Variants in TG observed in about 807,000 individuals in gnomAD.
The protein encoded by TG is thyroglobulin, also known as thyroid hormones.
A neutral mutation model predicts 324.7 loss-of-function variants in TG; 270 were observed. The observed-to-expected ratio is 0.83, with a 90% confidence interval of 0.75 to 0.92. TG has a LOEUF of 0.92. TG is among the 40% of genes least tolerant of loss of function. The pLI, the probability that TG is intolerant of heterozygous loss-of-function variation, is 0.00. For missense variants in TG, 3,591 were observed against 3,456.4 expected, an observed-to-expected ratio of 1.04 and a Z score of -0.98; for synonymous variants, 1,401 against 1,327.0, an observed-to-expected ratio of 1.06 and a Z score of -1.21.
chr8:132,952,171 C>T (rs1012704980), intron 27 of TG, among the ~76,000 whole-genome samples: 1 of 152,148 alleles, frequency 6.6e-6, no homozygotes, highest in African/African-American at 2.4e-5. Context: ...CCCAATTACA[C>T]AGTGAGGATG....
intron 11 of TG, among the ~76,000 whole-genome samples, chr8:132,895,472 GACATCTCTTTTGGAGA>G (rs1816960211): frequency 6.6e-6 from 1 of 152,258 alleles, no homozygotes; most frequent in Non-Finnish European, 1.5e-5. Context: ...TCTCACACCA[GACATCTCTTTTGGAGA>G]ACAAGGCACT....
chr8:133,091,347 A>C (rs1847488909), intron 41 of TG, among the ~76,000 whole-genome samples: 1 of 152,158 alleles, frequency 6.6e-6, no homozygotes, highest in African/African-American at 2.4e-5. Flanking sequence ...CCAGGGTGGG[A>C]CTGAGAAGTG....
At chr8:133,104,813 C>G (rs894557491) in intron 43 of TG, among the ~76,000 whole-genome samples, 5 of 152,064 alleles carry the variant, frequency 3.3e-5, no homozygotes, top group African/African-American at 4.8e-5. Flanking sequence ...CCAAACCCAC[C>G]CTGTCTCCAC....
At chr8:132,894,420 G>A (rs1816806346) in intron 11 of TG, among the ~76,000 whole-genome samples, 1 of 151,826 alleles carries the variant, frequency 6.6e-6, no homozygotes, top group African/African-American at 2.4e-5. Context: ...AGCTCAGGGA[G>A]CCTGCAGTCC....
chr8:133,100,669 G>T (rs961931017), intron 43 of TG, among the ~76,000 whole-genome samples: 3 of 152,038 alleles, frequency 2.0e-5, no homozygotes, highest in African/African-American at 7.3e-5. Context: ...TTCCCATGAC[G>T]TCACTCTGGG....
At chr8:132,923,573 T>A (rs894516210) in intron 22 of TG, 65 bp downstream of exon 22, 1 of 1,544,882 alleles carries the variant, frequency 6.5e-7, no homozygotes, top group African/African-American at 1.4e-5. Context: ...AAGGGCTTTT[T>A]AGAAAGGGAG....
intron 46 of TG, among the ~76,000 whole-genome samples, chr8:133,132,495 C>T (rs898246705): frequency 1.3e-5 from 2 of 152,214 alleles, no homozygotes; most frequent in African/African-American, 4.8e-5. Flanking sequence ...CCTGCCTGTA[C>T]TCCAGTCCAA....
In TG at chr8:132,897,705, G is replaced by A. The variant is rs985329037; in HGVS notation, c.3058G>A (p.Ala1020Thr). ...FSPDDSAGAS[A>T]LLRSGPYMPQ... is the part of the protein sequence containing the mutation. ...CCCGGACGACTCGGCTGGAGCATCC[G>A]CCCTTCTGCGGTCGGGCCCCTACAT... is the stretch of plus-strand genomic sequence containing the variant. Residue 1020 changes from alanine to threonine, a missense_variant, in exon 12 of 48, where the codon GCC becomes ACC. Transcript: ENST00000220616. 2.3e-5 allele frequency: 37 copies of A among 1,614,038 alleles called. No homozygotes were observed. Among genetic ancestry groups the A allele is most frequent in the Non-Finnish European group, 3.1e-5 (36 of 1,180,034 alleles).
chr8:132,935,301 C>T (rs796630186), intron 24 of TG, among the ~76,000 whole-genome samples: 5 of 151,916 alleles, frequency 3.3e-5, no homozygotes, highest in Admixed American at 3.3e-4. Context: ...CCACCACACC[C>T]GATTAATTTT....
intron 26 of TG, 142 bp downstream of exon 26, chr8:132,941,684 C>G: frequency 2.3e-6 from 2 of 866,936 alleles, no homozygotes; most frequent in Non-Finnish European, 3.7e-6. Context: ...GTCAAGTACA[C>G]AATACACACA....
chr8:132,999,792 T>C (rs1833273156), intron 35 of TG, among the ~76,000 whole-genome samples: 1 of 152,256 alleles, frequency 6.6e-6, no homozygotes, highest in Admixed American at 6.5e-5. Flanking sequence ...AGATATTTAC[T>C]ATCTTCTCAG....
At chr8:133,095,966 C>T (rs968105494) in intron 42 of TG, among the ~76,000 whole-genome samples, 5 of 152,210 alleles carry the variant, frequency 3.3e-5, no homozygotes, top group African/African-American at 1.2e-4. Flanking sequence ...ACCTGGGGAT[C>T]TGCTGTTACC....
At chr8:133,015,028 A>T (rs1033024927) in intron 37 of TG, among the ~76,000 whole-genome samples, 2 of 152,164 alleles carry the variant, frequency 1.3e-5, no homozygotes, top group Admixed American at 6.5e-5. Context: ...GCATGCCATG[A>T]TGCCCAGCTA....
In TG at chr8:132,906,858, G is replaced by A. The variant is rs148963953; in HGVS notation, c.3805G>A (p.Gly1269Arg). The A allele has an allele frequency of 8.4e-5, 136 of 1,613,624 alleles. 1 individual carries two copies. The highest frequency in any genetic ancestry group is 4.9e-4 in the Middle Eastern group (3 of 6,078). The change falls in exon 17 of 48, where the codon GGA (glycine) becomes AGA (arginine). Residue 1269 changes from glycine to arginine, a missense_variant. Physicochemically the swap from Gly to Arg is moderately radical, Grantham distance 125. Coordinates refer to ENST00000220616, the MANE Select transcript of TG (RefSeq NM_003235.5). ...PGPLICSLES[G>R]RWESQLPQPR... ...GCCATTGATATGTAGCCTGGAGAGC[G>A]GACGCTGGGAGTCACAGCTGCCTCA...
At chr8:132,901,693 G>A in intron 16 of TG, 140 bp downstream of exon 16, 1 of 892,404 alleles carries the variant, frequency 1.1e-6, no homozygotes, top group Non-Finnish European at 1.7e-6. Context: ...TTGTGGTTGA[G>A]TCCCTTCGTG....
chr8:133,027,432 G>T (rs983324204), intron 40 of TG, among the ~76,000 whole-genome samples: 2 of 152,210 alleles, frequency 1.3e-5, no homozygotes, highest in African/African-American at 4.8e-5. Context: ...ACATCAGAAG[G>T]GGCAAAGAGT....
At chr8:132,887,577 G>A in intron 9 of TG, 29 bp downstream of exon 9, 6 of 1,614,152 alleles carry the variant, frequency 3.7e-6, no homozygotes, top group Non-Finnish European at 5.1e-6. Context: ...CAATCTGTAG[G>A]TTCCCTGAGT....
At chr8:133,102,246 A>G (rs530049083) in intron 43 of TG, among the ~76,000 whole-genome samples, 68 of 152,358 alleles carry the variant, frequency 4.5e-4, no homozygotes, top group African/African-American at 1.6e-3. Context: ...AAATTGTAGT[A>G]AACACAAATG....
intron 45 of TG, among the ~76,000 whole-genome samples, chr8:133,121,563 C>T (rs1459727615): frequency 6.6e-6 from 1 of 152,108 alleles, no homozygotes; most frequent in Non-Finnish European, 1.5e-5. Flanking sequence ...AAAATAATGC[C>T]CTGGTCAAAA....
Sources: gnomAD v4.1 joint callset for allele counts (sites outside exome capture counted in the v4.1 genomes callset) on GRCh38, gnomAD v4.1.1 for gene constraint, MANE v1.5 for transcripts, NCBI Gene and HGNC (gene_info 2026-07-23, HGNC 2026-07-21) for gene names.